GRAMD2B: variants seen among roughly 807,000 people sequenced by gnomAD.
The protein encoded by GRAMD2B is GRAM domain containing 2B, also known as GRAM domain-containing protein 2B.
GRAMD2B carries 41 observed loss-of-function variants against 59.2 expected under a neutral mutation model. The observed-to-expected ratio is 0.69, with a 90% CI of 0.54 to 0.90. The LOEUF (loss-of-function observed/expected upper bound fraction) is 0.90. GRAMD2B is among the 40% of genes least tolerant of loss of function. GRAMD2B has a pLI of 0.00. For synonymous variants in GRAMD2B, 161 were observed against 182.7 expected (o/e 0.88, Z 0.96); for missense variants, 424 against 500.5 (o/e 0.85, Z 1.46).
chr5:126,457,191 CAAA>C (rs559904336), intron 1 of GRAMD2B, among the ~76,000 whole-genome samples: 60 of 63,968 alleles, frequency 9.4e-4, no homozygotes, highest in African/African-American at 2.9e-3. Flanking sequence ...GACTCCGTCT[CAAA>C]AAAAAAAAAA....
At chr5:126,480,587 A>T (rs992370563) in intron 7 of GRAMD2B, 40 bp from the exon 8 acceptor site, 26 of 1,608,532 alleles carry the variant, frequency 1.6e-5, no homozygotes, top group Admixed American at 1.7e-5. Context: ...TTATGGTTTC[A>T]TAGTTAATCT....
chr5:126,434,960 C>A (rs1762177201), intron 1 of GRAMD2B, among the ~76,000 whole-genome samples: 1 of 152,158 alleles, frequency 6.6e-6, no homozygotes, highest in Non-Finnish European at 1.5e-5. Flanking sequence ...GACTTTGGGT[C>A]AGAATGGACT....
chr5:126,438,693 C>T (rs1301390206), intron 1 of GRAMD2B, among the ~76,000 whole-genome samples: 1 of 152,074 alleles, frequency 6.6e-6, no homozygotes, highest in African/African-American at 2.4e-5. Flanking sequence ...ATTTTTTTCC[C>T]TACAATGTGG....
intron 5 of GRAMD2B, among the ~76,000 whole-genome samples, chr5:126,477,146 A>G (rs1203724217): frequency 1.3e-5 from 2 of 152,232 alleles, no homozygotes; most frequent in Non-Finnish European, 1.5e-5. Flanking sequence ...GACCATCAAT[A>G]TCAGCATTCA....
chr5:126,382,506 G>A (rs750307538), intron 1 of GRAMD2B, among the ~76,000 whole-genome samples: 32 of 151,938 alleles, frequency 2.1e-4, no homozygotes, highest in Non-Finnish European at 4.0e-4. Context: ...TGTATTTTGC[G>A]TTTCTCTAAG....
chr5:126,400,328 A>G (rs1026120809), intron 1 of GRAMD2B, among the ~76,000 whole-genome samples: 2 of 152,162 alleles, frequency 1.3e-5, no homozygotes, highest in Non-Finnish European at 2.9e-5. Flanking sequence ...CCAATTTCAT[A>G]CAAAAACTCT....
At chr5:126,468,961 AT>A (rs1769007502) in intron 2 of GRAMD2B, among the ~76,000 whole-genome samples, 1 of 152,226 alleles carries the variant, frequency 6.6e-6, no homozygotes, top group Non-Finnish European at 1.5e-5. Flanking sequence ...GCCCCAAGAC[AT>A]TTAATACAAT....
chr5:126,398,106 G>A (rs536775557), intron 1 of GRAMD2B, among the ~76,000 whole-genome samples: 17 of 144,980 alleles, frequency 1.2e-4, no homozygotes, highest in Non-Finnish European at 1.5e-4. Flanking sequence ...TCACTGCAGC[G>A]TCAACCTTCC....
chr5:126,376,218 TG>T (rs950312451), intron 1 of GRAMD2B, among the ~76,000 whole-genome samples: 3 of 152,194 alleles, frequency 2.0e-5, no homozygotes, highest in African/African-American at 7.2e-5. Flanking sequence ...CCATGGCCTT[TG>T]GGAGTACAAA....
chr5:126,474,524 T>C (rs1770204706), intron 5 of GRAMD2B, among the ~76,000 whole-genome samples: 1 of 152,202 alleles, frequency 6.6e-6, no homozygotes, highest in Non-Finnish European at 1.5e-5. Flanking sequence ...GTATTTCATA[T>C]ATTTCTACAT....
chr5:126,383,250 A>G (rs1937268824), intron 1 of GRAMD2B, among the ~76,000 whole-genome samples: 1 of 152,220 alleles, frequency 6.6e-6, no homozygotes, highest in African/African-American at 2.4e-5. Context: ...GTTCATTTAT[A>G]TGCTTTCACC....
At chr5:126,475,176 C>T (rs1042004059) in intron 5 of GRAMD2B, among the ~76,000 whole-genome samples, 2 of 152,140 alleles carry the variant, frequency 1.3e-5, no homozygotes, top group Admixed American at 6.5e-5. Flanking sequence ...TTTTAGTCAG[C>T]CTGTCGGTAT....
At chr5:126,468,188 G>C (rs79017520) in intron 2 of GRAMD2B, among the ~76,000 whole-genome samples, 10 of 152,162 alleles carry the variant, frequency 6.6e-5, no homozygotes, top group African/African-American at 2.2e-4. Flanking sequence ...GCGTTTAGCC[G>C]TAGGGTTGAA....
At chr5:126,404,101 AT>A (rs1758057768) in intron 1 of GRAMD2B, among the ~76,000 whole-genome samples, 1 of 151,928 alleles carries the variant, frequency 6.6e-6, no homozygotes, top group African/African-American at 2.4e-5. Context: ...TGCTATGGAA[AT>A]GCTAATGTTA....
intron 1 of GRAMD2B, among the ~76,000 whole-genome samples, chr5:126,437,041 G>A (rs554089176): frequency 6.6e-6 from 1 of 152,232 alleles, no homozygotes; most frequent in Non-Finnish European, 1.5e-5. Flanking sequence ...AGGTCCCAGA[G>A]GACATGTTTT....
chr5:126,419,947 C>T (rs566249790), upstream of GRAMD2B, among the ~76,000 whole-genome samples: 78 of 149,942 alleles, frequency 5.2e-4, 1 homozygote, highest in South Asian at 0.015. Context: ...CCCAGCTACT[C>T]GAGAGGCTGA....
At chr5:126,411,862 T>TGTGTGTGTGTGTGTG (rs1580844089) in intron 1 of GRAMD2B, among the ~76,000 whole-genome samples, 1 of 32,258 alleles carries the variant, frequency 3.1e-5, no homozygotes, top group African/African-American at 1.1e-4. Flanking sequence ...GTGTGTGTGT[T>TGTGTGTGTGTGTGTG]TGTGTGTCTA....
rs907918907 is a variant in GRAMD2B at position 126,395,690 on chromosome 5, C to T, written c.125+24123C>T. Among the ~76,000 whole-genome samples the T allele has an allele frequency of 3.9e-5, 6 of 152,158 alleles. No individual in the cohort carries two copies. In the South Asian group the frequency reaches 6.2e-4, roughly 16 times the overall value. Reference sequence around the variant, plus strand: ...TTTAAAAGAGAAAAAGAACAAACGTCGGGGACTGAAAATTCAAAAGCAGCA... The same window carrying T: ...TTTAAAAGAGAAAAAGAACAAACGTTGGGGACTGAAAATTCAAAAGCAGCA... On this transcript the variant is annotated intron_variant, in intron 1 of 8. Transcript: ENST00000506445.
chr5:126,443,810 G>A (rs1292793071), intron 1 of GRAMD2B, among the ~76,000 whole-genome samples: 1 of 152,238 alleles, frequency 6.6e-6, no homozygotes, highest in African/African-American at 2.4e-5. Context: ...AACACTTTGG[G>A]AGGCTGAGGC....
Sources: gnomAD v4.1 joint callset for allele counts (sites outside exome capture counted in the v4.1 genomes callset) on GRCh38, gnomAD v4.1.1 for gene constraint, MANE v1.5 for transcripts, NCBI Gene and HGNC (gene_info 2026-07-23, HGNC 2026-07-21) for gene names.